Variants in SGCD observed in about 807,000 individuals in gnomAD.
SGCD encodes the protein delta-sarcoglycan.
A neutral mutation model predicts 36.6 loss-of-function variants in SGCD; 18 were observed. That is an observed-to-expected ratio of 0.49 (90% CI 0.34 to 0.73). The LOEUF is 0.73. Among genes scored for constraint, SGCD ranks in the 30% least tolerant of loss-of-function variants. The pLI is 0.01. For synonymous variants in SGCD, 133 were observed against 130.6 expected, an observed-to-expected ratio of 1.02 and a Z score of -0.12; for missense variants, 387 against 346.7, an observed-to-expected ratio of 1.12 and a Z score of -0.92.
At chr5:156,487,810 A>AG (rs1755751001) in intron 3 of SGCD, among the ~76,000 whole-genome samples, 10 of 140,538 alleles carry the variant, frequency 7.1e-5, no homozygotes, top group African/African-American at 1.6e-4. Context: ...AAAAAAAAAA[A>AG]AAAAAAGAAA....
intron 3 of SGCD, among the ~76,000 whole-genome samples, chr5:156,360,756 T>C (rs751150167): frequency 2.0e-5 from 3 of 152,004 alleles, no homozygotes; most frequent in Non-Finnish European, 4.4e-5. Context: ...GGAAGACGAC[T>C]CACCCTTCCC....
chr5:156,577,565 A>G (rs963442755), intron 4 of SGCD, among the ~76,000 whole-genome samples: 2 of 152,146 alleles, frequency 1.3e-5, no homozygotes, highest in African/African-American at 4.8e-5. Flanking sequence ...ATGTTCTTCC[A>G]TTTGTTTGCA....
rs528013055 is a variant in SGCD, at chr5:156,737,283, T to A, written c.576-20298T>A. Among the ~76,000 whole-genome samples, 1,026 of 151,494 alleles carry A rather than the reference T, an allele frequency of 6.8e-3. 3 individuals carry two copies. The highest frequency in any genetic ancestry group is 0.011 in the Non-Finnish European group (781 of 68,024). On this transcript the variant is annotated intron_variant, in intron 7 of 8. Transcript: ENST00000337851. ...AGTTTTCAGGTAACATTTAAAAGCA[T>A]GGGTTCTAGTGATAGAGTTGCAGTG...
At chr5:156,071,629 T>G (rs1760565886) in intron 1 of SGCD, among the ~76,000 whole-genome samples, 1 of 152,250 alleles carries the variant, frequency 6.6e-6, no homozygotes, top group Non-Finnish European at 1.5e-5. Flanking sequence ...TGGAGAGTTC[T>G]GTACATGTCT....
intron 3 of SGCD, among the ~76,000 whole-genome samples, chr5:156,394,370 A>C (rs956354616): frequency 1.3e-5 from 2 of 152,236 alleles, no homozygotes; most frequent in African/African-American, 4.8e-5. Flanking sequence ...GGGGTAAATT[A>C]AAAGGATTAA....
chr5:155,930,391 G>A (rs368903532), intron 1 of SGCD, among the ~76,000 whole-genome samples: 8 of 152,326 alleles, frequency 5.3e-5, no homozygotes, highest in African/African-American at 1.7e-4. Flanking sequence ...AATCCATTGA[G>A]CATACTGTAT....
intron 3 of SGCD, among the ~76,000 whole-genome samples, chr5:156,392,026 C>T (rs147663148): frequency 3.3e-4 from 51 of 152,276 alleles, no homozygotes; most frequent in African/African-American, 1.1e-3. Flanking sequence ...TTTAGCACTA[C>T]GTATATTGAA....
chr5:156,730,336 CT>C lies in SGCD; in HGVS notation c.576-27243del, dbSNP rs567442603. 3.1e-4 allele frequency among the ~76,000 whole-genome samples: 47 copies of C among 152,158 alleles called. No individual in the cohort carries two copies. The South Asian group carries it at 9.8e-3, about 32-fold the overall frequency. ...ATTATTTCATCACCCAGATATTAAGCTTAGTAACCATTCGTTATTTTCCCTG... is the reference window on the plus strand; with the variant it reads ...ATTATTTCATCACCCAGATATTAAGCTAGTAACCATTCGTTATTTTCCCTG... On this transcript the variant is annotated intron_variant, in intron 7 of 8. Coordinates refer to ENST00000337851, the MANE Select transcript of SGCD (RefSeq NM_000337.6).
intron 3 of SGCD, among the ~76,000 whole-genome samples, chr5:156,126,456 G>T (rs748973313): frequency 1.3e-5 from 2 of 152,138 alleles, no homozygotes; most frequent in Non-Finnish European, 2.9e-5. Flanking sequence ...GGAAAATAAA[G>T]CTCCCTCTGA....
At chr5:155,956,556 C>G (rs748923288) in intron 1 of SGCD, among the ~76,000 whole-genome samples, 3 of 152,084 alleles carry the variant, frequency 2.0e-5, no homozygotes, top group Non-Finnish European at 4.4e-5. Flanking sequence ...TTACCACAAA[C>G]TTGGTGTTTT....
chr5:156,744,407 T>G (rs1023442946), intron 7 of SGCD, among the ~76,000 whole-genome samples: 2 of 152,102 alleles, frequency 1.3e-5, no homozygotes, highest in Non-Finnish European at 2.9e-5. Flanking sequence ...GTCTTTTGGC[T>G]CCCACCAATT....
the SGCD span, among the ~76,000 whole-genome samples, chr5:155,743,947 GTTGGTAGCTTTCT>G: frequency 2.0e-5 from 3 of 152,154 alleles, no homozygotes. Context: ...GTGTCCCTTG[GTTGGTAGCTTTCT>G]TTGGCTTCCA....
chr5:156,467,394 C>T (rs1265882968), intron 3 of SGCD, among the ~76,000 whole-genome samples: 3 of 151,984 alleles, frequency 2.0e-5, no homozygotes, highest in Non-Finnish European at 4.4e-5. Context: ...TAGAACAAAC[C>T]ATCACATTTT....
rs1370878432 is a variant in SGCD at position 156,341,288 on chromosome 5, G to A, written c.4-3201G>A. Among the ~76,000 whole-genome samples the A allele has an allele frequency of 4.6e-5, 7 of 152,058 alleles. No individual in the cohort carries two copies. The East Asian group carries it at 1.3e-3, about 29-fold the overall frequency. ...GATGCCTCAAAGGTAGCCAGACCCTGCTTTAAGCAGAGGAACTCCACTTTT... is the reference window on the plus strand; with the variant it reads ...GATGCCTCAAAGGTAGCCAGACCCTACTTTAAGCAGAGGAACTCCACTTTT... On this transcript the variant is annotated intron_variant, in intron 2 of 8. Coordinates refer to ENST00000337851, the MANE Select transcript of SGCD (RefSeq NM_000337.6).
chr5:156,450,536 TA>T (rs760472519), intron 3 of SGCD, among the ~76,000 whole-genome samples: 324 of 119,970 alleles, frequency 2.7e-3, no homozygotes, highest in Middle Eastern at 4.3e-3. Context: ...AGACATTCAT[TA>T]AAAAAAAAAA....
the SGCD span, among the ~76,000 whole-genome samples, chr5:155,728,246 G>C: frequency 6.6e-6 from 1 of 151,458 alleles, no homozygotes; most frequent in Admixed American, 6.6e-5. Flanking sequence ...CCGGGACTCC[G>C]GCACGTGGGC....
chr5:156,077,181 G>C (rs1374643941), intron 1 of SGCD, among the ~76,000 whole-genome samples: 1 of 151,942 alleles, frequency 6.6e-6, no homozygotes, highest in Non-Finnish European at 1.5e-5. Flanking sequence ...TAATATTTTG[G>C]CTTCAACTGC....
In SGCD at chr5:156,344,473, G is replaced by A; in HGVS notation, c.4-16G>A. On this transcript the variant is annotated splice_polypyrimidine_tract_variant and intron_variant, in intron 2 of 8. Coordinates refer to ENST00000337851, the MANE Select transcript of SGCD (RefSeq NM_000337.6). ...GGTTTAATGTGAGTGCTTCTCTCTTGCCTCGTTTATTTCAGATGCCTCAGG... is the reference window on the plus strand; with the variant it reads ...GGTTTAATGTGAGTGCTTCTCTCTTACCTCGTTTATTTCAGATGCCTCAGG... The A allele has an allele frequency of 6.6e-7, 1 of 1,525,158 alleles. No individual in the cohort carries two copies. Among genetic ancestry groups the A allele is most frequent in the Non-Finnish European group, 8.7e-7 (1 of 1,143,682 alleles). 94.5% of individuals were successfully genotyped at this position (1,525,158 alleles called of 1,614,324 possible).
intron 3 of SGCD, among the ~76,000 whole-genome samples, chr5:156,235,844 C>T (rs934569976): frequency 6.6e-6 from 1 of 152,194 alleles, no homozygotes; most frequent in Admixed American, 6.5e-5. Context: ...CTCAGTCTCT[C>T]TTCTCACTTC....
Sources: allele counts gnomAD v4.1 joint callset (sites outside exome capture counted in the v4.1 genomes callset), GRCh38; gene constraint gnomAD v4.1.1; transcripts MANE v1.5; gene names NCBI Gene and HGNC (gene_info 2026-07-23, HGNC 2026-07-21).